The following EPAS1 variants were observed in gnomAD, a reference collection of about 807,000 sequenced individuals.
EPAS1 encodes endothelial PAS domain-containing protein 1.
A neutral mutation model predicts 87.9 loss-of-function variants in EPAS1; 23 were observed. That is an observed-to-expected ratio of 0.26 (90% CI 0.19 to 0.37). EPAS1 has a LOEUF of 0.37. Ranked by LOEUF, EPAS1 falls within the 10% of genes least tolerant of loss-of-function variation. The pLI is 1.00. For synonymous variants in EPAS1, 508 were observed against 444.3 expected (o/e 1.14, Z -1.80); for missense variants, 1,138 against 1,120.7 (o/e 1.02, Z -0.22).
chr2:46,336,086 A>C (rs1184873085), intron 1 of EPAS1, among the ~76,000 whole-genome samples: 1 of 152,208 alleles, frequency 6.6e-6, no homozygotes, highest in Non-Finnish European at 1.5e-5. Context: ...CCCCAGCTGC[A>C]GCGCCTGGGA....
intron 2 of EPAS1, among the ~76,000 whole-genome samples, chr2:46,353,924 T>G (rs1256609072): frequency 6.6e-6 from 1 of 152,232 alleles, no homozygotes; most frequent in African/African-American, 2.4e-5. Flanking sequence ...ACCCAACTCT[T>G]GGCTCTGAAG....
chr2:46,330,783 CCT>C (rs1157501566), intron 1 of EPAS1, among the ~76,000 whole-genome samples: 1 of 152,152 alleles, frequency 6.6e-6, no homozygotes, highest in African/African-American at 2.4e-5. Flanking sequence ...GAGTTCAGCC[CCT>C]GTTGGCAAGA....
rs886277601 is a variant in EPAS1, at chr2:46,386,684, G to C, written c.*2024G>C. ...ATTTTGACACTGGTATCTTATTAAA[G>C]TATTCTGATCCTACCACTGCTGGTG... On this transcript the variant is annotated 3_prime_UTR_variant, in exon 16 of 16. Transcript: ENST00000263734. The C allele has an allele frequency of 1.3e-5, 2 of 152,764 alleles. No homozygotes were observed. Among genetic ancestry groups the C allele is most frequent in the South Asian group, 4.1e-4 (2 of 4,830 alleles). The allele number at this position is 152,764 out of a possible 1,614,324, so 9.5% of individuals were successfully genotyped here. A position where few individuals can be genotyped will look rare whatever the true frequency, so the allele number is the denominator to read the frequency against.
At chr2:46,379,928 C>T (rs1371729345) in intron 11 of EPAS1, 14 of 487,040 alleles carry the variant, frequency 2.9e-5, no homozygotes, top group Middle Eastern at 5.7e-4. Context: ...GGGGCTGCCT[C>T]GGCTTCAAGA....
intron 6 of EPAS1, among the ~76,000 whole-genome samples, chr2:46,362,549 T>C (rs968659623): frequency 9.9e-5 from 15 of 152,156 alleles, no homozygotes; most frequent in African/African-American, 3.4e-4. Flanking sequence ...CAGGAAACCA[T>C]GGAACCCCAG....
intron 1 of EPAS1, among the ~76,000 whole-genome samples, chr2:46,301,578 GAAAAA>G (rs3053642): frequency 6.4e-5 from 8 of 124,188 alleles, no homozygotes; most frequent in African/African-American, 1.2e-4. Context: ...CCGTCTCAAA[GAAAAA>G]AAAAAAAAAA....
intron 2 of EPAS1, among the ~76,000 whole-genome samples, chr2:46,352,138 T>C (rs1684175507): frequency 6.6e-6 from 1 of 152,182 alleles, no homozygotes. Flanking sequence ...GGTCAGACCC[T>C]GAAGGGTCCT....
At chr2:46,376,844 T>G in intron 9 of EPAS1, 91 bp downstream of exon 9, 1 of 1,372,508 alleles carries the variant, frequency 7.3e-7, no homozygotes, top group South Asian at 1.2e-5. Context: ...CTGCAGCTTT[T>G]TCTTAACCAG....
intron 1 of EPAS1, among the ~76,000 whole-genome samples, chr2:46,331,879 C>G (rs538097365): frequency 3.9e-5 from 6 of 152,328 alleles, no homozygotes; most frequent in African/African-American, 9.6e-5. Flanking sequence ...TCAGGACTTT[C>G]AGGCTGTTTT....
chr2:46,302,299 A>G (rs554992293), intron 1 of EPAS1, among the ~76,000 whole-genome samples: 2 of 152,152 alleles, frequency 1.3e-5, no homozygotes, highest in East Asian at 3.9e-4. Flanking sequence ...GCTGTCATTA[A>G]TTGTCTTGAG....
Position 46,297,519 on chromosome 2 carries a change from A to C in EPAS1, c.-393A>C, listed in dbSNP as rs1409915359. On this transcript the variant is annotated 5_prime_UTR_variant, in exon 1 of 16. Transcript: ENST00000263734. ...TGTCCTGAGACTGTATGGTCAGCTCAGCCCGGCCTCCGACTCCTTCCGACT... is the reference window on the plus strand; with the variant it reads ...TGTCCTGAGACTGTATGGTCAGCTCCGCCCGGCCTCCGACTCCTTCCGACT... The C allele has an allele frequency of 1.3e-5, 4 of 307,186 alleles. No individual in the cohort carries two copies. The East Asian group carries it at 3.1e-4, about 24-fold the overall frequency. The allele number at this position is 307,186 out of a possible 1,614,324, so 19.0% of individuals were successfully genotyped here. A position where few individuals can be genotyped will look rare whatever the true frequency, so the allele number is the denominator to read the frequency against.
At chr2:46,376,145 G>T (rs1291703612) in intron 8 of EPAS1, among the ~76,000 whole-genome samples, 1 of 150,244 alleles carries the variant, frequency 6.7e-6, no homozygotes, top group East Asian at 1.9e-4. Flanking sequence ...TGGGGAAAAA[G>T]GAAAGAGAAT....
chr2:46,358,405 A>G (rs923387245), intron 4 of EPAS1, among the ~76,000 whole-genome samples: 7 of 152,162 alleles, frequency 4.6e-5, no homozygotes, highest in African/African-American at 1.7e-4. Flanking sequence ...TAAAAAGAGG[A>G]TTCATGTTCT....
At chr2:46,377,220 G>A (rs1016459916) in intron 9 of EPAS1, among the ~76,000 whole-genome samples, 13 of 152,216 alleles carry the variant, frequency 8.5e-5, no homozygotes, top group African/African-American at 2.4e-4. Context: ...AACATATTGA[G>A]GCCTGGGATT....
chr2:46,338,053 C>T (rs1440161760), intron 1 of EPAS1, among the ~76,000 whole-genome samples: 2 of 152,124 alleles, frequency 1.3e-5, no homozygotes, highest in Non-Finnish European at 2.9e-5. Context: ...TCAAGATGCC[C>T]AGCTCAGCTA....
intron 1 of EPAS1, among the ~76,000 whole-genome samples, chr2:46,342,342 A>G (rs1484402423): frequency 6.6e-6 from 1 of 152,132 alleles, no homozygotes; most frequent in Non-Finnish European, 1.5e-5. Flanking sequence ...ACCTCTCCCA[A>G]TTGCATTTGA....
intron 2 of EPAS1, among the ~76,000 whole-genome samples, chr2:46,351,657 A>C (rs1283878279): frequency 1.3e-5 from 2 of 152,166 alleles, no homozygotes; most frequent in African/African-American, 4.8e-5. Flanking sequence ...TGGTGGTCAC[A>C]AAGTGGTAAC....
chr2:46,303,407 C>T (rs1683048856), intron 1 of EPAS1, among the ~76,000 whole-genome samples: 1 of 152,130 alleles, frequency 6.6e-6, no homozygotes, highest in Non-Finnish European at 1.5e-5. Flanking sequence ...TGGTGTATCC[C>T]TTATCATGTA....
chr2:46,324,892 T>C (rs1292940544), intron 1 of EPAS1, among the ~76,000 whole-genome samples: 1 of 152,266 alleles, frequency 6.6e-6, no homozygotes, highest in Non-Finnish European at 1.5e-5. Context: ...TCTCACAGCC[T>C]GCCTTTCTTT....
Sources: allele counts gnomAD v4.1 joint callset (sites outside exome capture counted in the v4.1 genomes callset), GRCh38; gene constraint gnomAD v4.1.1; transcripts MANE v1.5; gene names NCBI Gene and HGNC (gene_info 2026-07-23, HGNC 2026-07-21).